The following SHE variants were observed in gnomAD, a reference collection of about 807,000 sequenced individuals.
SHE encodes the protein Src homology 2 domain containing E, also known as SH2 domain-containing adapter protein E.
In SHE, 11 loss-of-function variants were observed where a neutral mutation model predicts 49.8. That is an observed-to-expected ratio of 0.22 (90% CI 0.14 to 0.37). The LOEUF (loss-of-function observed/expected upper bound fraction) is 0.37, where lower values mean the gene tolerates loss of function less well. SHE is among the 10% of genes least tolerant of loss of function. The probability of loss-of-function intolerance (pLI) is 1.00; values close to 1 mark genes in which losing one functional copy is unlikely to be tolerated. For synonymous variants in SHE, 310 were observed against 278.1 expected (o/e 1.11, Z -1.14); for missense variants, 624 against 655.5 (o/e 0.95, Z 0.52).
intron 4 of SHE, 112 bp downstream of exon 4, chr1:154,486,415 G>T: frequency 7.0e-7 from 1 of 1,425,374 alleles, no homozygotes; most frequent in Non-Finnish European, 9.5e-7. Context: ...CCCCATCCAG[G>T]CAAGTGTTCA....
In SHE at chr1:154,482,441, C is replaced by A; in HGVS notation, c.*1708G>T. 4 of 985,212 alleles carry A rather than the reference C, an allele frequency of 4.1e-6. No individual in the cohort carries two copies. Among genetic ancestry groups the A allele is most frequent in the Non-Finnish European group, 4.8e-6 (4 of 829,784 alleles). 61.0% of individuals were successfully genotyped at this position (985,212 alleles called of 1,614,324 possible). ...AATAAAGAAGCAAAAATTTACTAACCTCTAAATCTTACAGTCAAATGTAAC... is the reference window on the plus strand; with the variant it reads ...AATAAAGAAGCAAAAATTTACTAACATCTAAATCTTACAGTCAAATGTAAC... On this transcript the variant is annotated 3_prime_UTR_variant, in exon 6 of 6. Coordinates refer to ENST00000304760, the MANE Select transcript of SHE (RefSeq NM_001010846.3).
chr1:154,471,021 A>C (rs1691729904), intron 1 of SHE, among the ~76,000 whole-genome samples: 1 of 68,364 alleles, frequency 1.5e-5, no homozygotes. Context: ...ATCTCAAAAA[A>C]AAAAAAACAC....
rs1691990986 is a variant in SHE at position 154,480,539 on chromosome 1, G to T, written c.*3610C>A. 1.0e-6 allele frequency: 1 copy of T among 985,488 alleles called. No homozygotes were observed. The highest frequency in any genetic ancestry group is 1.2e-6 in the Non-Finnish European group (1 of 829,936). 61.0% of individuals were successfully genotyped at this position (985,488 alleles called of 1,614,324 possible). A position where few individuals can be genotyped will look rare whatever the true frequency, so the allele number is the denominator to read the frequency against. On this transcript the variant is annotated 3_prime_UTR_variant, in exon 6 of 6. Coordinates refer to ENST00000304760, the MANE Select transcript of SHE (RefSeq NM_001010846.3). ...CCACCTGCCTCAAAAACTCCTGGCT[G>T]CCCCTATCAGCTACCTGCCCACCTC...
intron 2 of SHE, among the ~76,000 whole-genome samples, chr1:154,491,510 C>G (rs1015305019): frequency 1.3e-5 from 2 of 152,224 alleles, no homozygotes; most frequent in Non-Finnish European, 2.9e-5. Context: ...TGATACCCCA[C>G]AAAGTTAAAC....
intron 1 of SHE, among the ~76,000 whole-genome samples, chr1:154,472,808 T>G (rs1352150313): frequency 6.6e-6 from 1 of 152,208 alleles, no homozygotes; most frequent in African/African-American, 2.4e-5. Context: ...CTGGCCTTAC[T>G]GGTTACCTAG....
In SHE at chr1:154,502,204, G is replaced by T. The variant is rs898457836; in HGVS notation, c.-178C>A. On this transcript the variant is annotated 5_prime_UTR_variant, in exon 1 of 6. Transcript: ENST00000304760. The stretch of plus-strand genomic sequence containing the variant: ...AGGCGACAGGCACGACGCGCGGGGG[G>T]CCCCGCCCGGGCTCGTCTTCAACGC... 1 of 353,644 alleles carries T rather than the reference G, an allele frequency of 2.8e-6. No individual in the cohort carries two copies. Among genetic ancestry groups the T allele is most frequent in the Non-Finnish European group, 4.5e-6 (1 of 222,954 alleles). 21.9% of individuals were successfully genotyped at this position (353,644 alleles called of 1,614,324 possible).
chr1:154,470,710 G>C (rs1345852771), intron 1 of SHE, among the ~76,000 whole-genome samples: 4 of 152,126 alleles, frequency 2.6e-5, no homozygotes, highest in Admixed American at 6.6e-5. Flanking sequence ...TGTGGTGGCG[G>C]GCACCTGTAA....
chr1:154,474,562 C>T (rs1274014807), downstream of SHE, among the ~76,000 whole-genome samples: 2 of 152,134 alleles, frequency 1.3e-5, no homozygotes, highest in Non-Finnish European at 2.9e-5. Flanking sequence ...GGCTGGAGTG[C>T]AGTGGTGCCA....
In SHE at chr1:154,482,216, G is replaced by A. The variant is rs1692038843; in HGVS notation, c.*1933C>T. 1 of 559,428 alleles carries A rather than the reference G, an allele frequency of 1.8e-6. No individual in the cohort carries two copies. Among genetic ancestry groups the A allele is most frequent in the African/African-American group, 2.0e-5 (1 of 48,850 alleles). 34.7% of individuals were successfully genotyped at this position (559,428 alleles called of 1,614,324 possible). On this transcript the variant is annotated 3_prime_UTR_variant, in exon 6 of 6. Transcript: ENST00000304760. ...TTTACTACAGACAGGGTTTCACCAT[G>A]TTGGCCAGGCTGGTCTCAAACTCCT...
At chr1:154,479,133 G>A (rs897197884), downstream of SHE, among the ~76,000 whole-genome samples, 1 of 152,028 alleles carries the variant, frequency 6.6e-6, no homozygotes, top group Non-Finnish European at 1.5e-5. Flanking sequence ...TGGGACATTT[G>A]TATTAATAAC....
In SHE at chr1:154,501,551, C is replaced by T. The variant is rs769787550; in HGVS notation, c.476G>A (p.Ser159Asn). The T allele has an allele frequency of 4.3e-5, 70 of 1,613,976 alleles. No homozygotes were observed. Among genetic ancestry groups the T allele is most frequent in the Non-Finnish European group, 5.3e-5 (63 of 1,179,974 alleles). Residue 159 changes from serine to asparagine, a missense_variant, in exon 1 of 6, where the codon AGC becomes AAC. Ser to Asn is a conservative substitution (Grantham distance 46). Coordinates refer to ENST00000304760, the MANE Select transcript of SHE (RefSeq NM_001010846.3). ...GGAGCTACTGCTGCTGGGGTAGTTG[C>T]TCTTCCCGTTCTTCTCCTGAGTGTC... is the stretch of plus-strand genomic sequence containing the variant. ...KVDTQEKNGK[S>N]NYPSSSSSSS...
At chr1:154,473,242 C>A (rs1301570116) in intron 1 of SHE, among the ~76,000 whole-genome samples, 2 of 151,994 alleles carry the variant, frequency 1.3e-5, no homozygotes, top group Non-Finnish European at 2.9e-5. Flanking sequence ...TTAGGTGATC[C>A]GCCTGTCTCA....
intron 2 of SHE, among the ~76,000 whole-genome samples, chr1:154,497,840 C>G (rs997942660): frequency 2.0e-5 from 3 of 151,844 alleles, no homozygotes; most frequent in African/African-American, 7.3e-5. Context: ...ACCACCATGC[C>G]CGGCTAATTT....
At position 154,502,010 on chromosome 1, in the gene SHE, G is replaced by A; in HGVS notation, c.17C>T (p.Thr6Ile). The A allele has an allele frequency of 1.4e-6, 2 of 1,383,154 alleles. No individual in the cohort carries two copies. Among genetic ancestry groups the A allele is most frequent in the Admixed American group, 3.6e-5 (1 of 27,754 alleles). 85.7% of individuals were successfully genotyped at this position (1,383,154 alleles called of 1,614,324 possible). A position where few individuals can be genotyped will look rare whatever the true frequency, so the allele number is the denominator to read the frequency against. Reference protein sequence around the residue: MQWSPTPGASACLGWA... With the variant: MQWSPIPGASACLGWA... ...GCCCAGACACGCAGAGGCGCCAGGGGTCGGGGACCACTGCATTCCCCGTGA... is the reference window on the plus strand; with the variant it reads ...GCCCAGACACGCAGAGGCGCCAGGGATCGGGGACCACTGCATTCCCCGTGA... The change falls in exon 1 of 6, where the codon ACC (threonine) becomes ATC (isoleucine). Residue 6 changes from threonine to isoleucine, a missense_variant. Transcript: ENST00000304760.
intron 2 of SHE, among the ~76,000 whole-genome samples, chr1:154,492,015 G>T (rs886617790): frequency 2.0e-5 from 3 of 152,148 alleles, no homozygotes; most frequent in Admixed American, 1.3e-4. Flanking sequence ...CTTCAAAACA[G>T]GTGTGGGGAT....
chr1:154,487,821 G>A (rs185972333), intron 3 of SHE, among the ~76,000 whole-genome samples: 33 of 148,716 alleles, frequency 2.2e-4, no homozygotes, highest in Non-Finnish European at 4.0e-4. Flanking sequence ...ACGCACTCCA[G>A]CCTGGGTGAC....
chr1:154,496,538 G>C (rs1021185771), intron 2 of SHE, among the ~76,000 whole-genome samples: 1 of 152,160 alleles, frequency 6.6e-6, no homozygotes, highest in South Asian at 2.1e-4. Flanking sequence ...TTTTGCAAAC[G>C]GCATTTCAAG....
chr1:154,499,069 G>A, intron 2 of SHE, 43 bp downstream of exon 2: 3 of 1,604,670 alleles, frequency 1.9e-6, no homozygotes, highest in Non-Finnish European at 2.6e-6. Context: ...CACTCACTGA[G>A]TGTGAGATTT....
At chr1:154,500,739 A>G (rs1356072577) in intron 1 of SHE, among the ~76,000 whole-genome samples, 1 of 152,180 alleles carries the variant, frequency 6.6e-6, no homozygotes, top group East Asian at 1.9e-4. Flanking sequence ...GAAAACCTCC[A>G]GTGTGTCCGT....
Sources: allele counts gnomAD v4.1 joint callset (sites outside exome capture counted in the v4.1 genomes callset), GRCh38; gene constraint gnomAD v4.1.1; transcripts MANE v1.5; gene names NCBI Gene and HGNC (gene_info 2026-07-23, HGNC 2026-07-21).